Variants in SMG6 observed in about 807,000 individuals in gnomAD.
SMG6 encodes the protein telomerase-binding protein EST1A.
Under a neutral mutation model 142.2 loss-of-function variants are expected in SMG6, and 66 were observed. The observed-to-expected ratio is 0.46, with a 90% CI of 0.38 to 0.57. The LOEUF is 0.57. Among genes scored for constraint, SMG6 ranks in the 20% least tolerant of loss-of-function variants. The probability of loss-of-function intolerance (pLI) is 0.00; values close to 1 mark genes in which losing one functional copy is unlikely to be tolerated. For synonymous variants in SMG6, 779 were observed against 702.4 expected, an observed-to-expected ratio of 1.11 and a Z score of -1.72; for missense variants, 1,793 against 1,832.0, an observed-to-expected ratio of 0.98 and a Z score of 0.39.
intron 10 of SMG6, among the ~76,000 whole-genome samples, chr17:2,220,364 C>T (rs969178149): frequency 6.6e-6 from 1 of 152,198 alleles, no homozygotes; most frequent in Non-Finnish European, 1.5e-5. Flanking sequence ...AGCTCAGCGG[C>T]TCATGCCTGT....
intron 8 of SMG6, among the ~76,000 whole-genome samples, chr17:2,249,417 C>A (rs775785776): frequency 1.2e-4 from 18 of 152,078 alleles, no homozygotes; most frequent in Non-Finnish European, 2.2e-4. Flanking sequence ...CACCTTAGCC[C>A]GCAAAGTGCT....
intron 15 of SMG6, among the ~76,000 whole-genome samples, 169 bp downstream of exon 15, chr17:2,081,641 C>T (rs1019091184): frequency 6.6e-6 from 1 of 152,182 alleles, no homozygotes; most frequent in African/African-American, 2.4e-5. Flanking sequence ...AGGCACCAAA[C>T]CTGCTACCAG....
At chr17:2,182,655 A>C (rs1269182593) in intron 12 of SMG6, among the ~76,000 whole-genome samples, 2 of 152,144 alleles carry the variant, frequency 1.3e-5, no homozygotes, top group Admixed American at 1.3e-4. Context: ...CTGGTCCCCA[A>C]GTCAAACAAG....
chr17:2,235,914 A>G (rs1010017907), intron 10 of SMG6: 1 of 152,184 alleles, frequency 6.6e-6, no homozygotes, highest in African/African-American at 2.4e-5. Context: ...AATGTTCAGA[A>G]AAACATTTTA....
chr17:2,220,404 G>C (rs2073139407), intron 10 of SMG6, among the ~76,000 whole-genome samples: 1 of 152,234 alleles, frequency 6.6e-6, no homozygotes, highest in African/African-American at 2.4e-5. Flanking sequence ...GCCGAGGAAG[G>C]AGGATCACTT....
chr17:2,124,169 G>T, intron 13 of SMG6, among the ~76,000 whole-genome samples: 1 of 152,210 alleles, frequency 6.6e-6, no homozygotes, highest in East Asian at 1.9e-4. Flanking sequence ...TCTGACACCA[G>T]GACACCCAAG....
intron 13 of SMG6, among the ~76,000 whole-genome samples, chr17:2,131,111 A>G (rs1597441207): frequency 6.6e-6 from 1 of 152,226 alleles, no homozygotes; most frequent in South Asian, 2.1e-4. Context: ...TTTTATATAC[A>G]ATAAAACTTT....
intron 13 of SMG6, among the ~76,000 whole-genome samples, chr17:2,121,514 G>A (rs543451515): frequency 1.7e-4 from 26 of 151,606 alleles, no homozygotes; most frequent in Non-Finnish European, 3.7e-4. Context: ...GTGGAGATAA[G>A]GGATTATAAT....
In SMG6 at chr17:2,061,582, C is replaced by A; in HGVS notation, c.4170G>T (p.Thr1390=). The stretch of plus-strand genomic sequence containing the variant: ...CCTTCACACGCAGGTTCCGGTCATC[C>A]GTCAACAGCACCACCTCCCGCAGTA... ...IRLLREVVLL[T]DDRNLRVKAL... The change falls in exon 19 of 19, where the codon ACG becomes ACT. Residue 1390 remains threonine, a synonymous_variant. Transcript: ENST00000263073. 2.5e-6 allele frequency: 4 copies of A among 1,572,626 alleles called. No individual in the cohort carries two copies. The highest frequency in any genetic ancestry group is 1.7e-6 in the Non-Finnish European group (2 of 1,158,686).
intron 8 of SMG6, among the ~76,000 whole-genome samples, chr17:2,269,670 G>C (rs1166808035): frequency 1.3e-5 from 2 of 152,088 alleles, no homozygotes; most frequent in Non-Finnish European, 2.9e-5. Context: ...AAAGAAAACT[G>C]TCCTTCTCAA....
At position 2,091,442 on chromosome 17, in the gene SMG6, C is replaced by G. The variant is rs576391823; in HGVS notation, c.3358-5541G>C. Reference sequence around the variant, plus strand: ...AGTTGGTATGAAATTGAGAAAGAGGCTCATGGGTCAGAGAGGAGGGAAAGA... The same window carrying G: ...AGTTGGTATGAAATTGAGAAAGAGGGTCATGGGTCAGAGAGGAGGGAAAGA... On this transcript the variant is annotated intron_variant, in intron 13 of 18. Transcript: ENST00000263073. Among the ~76,000 whole-genome samples the G allele has an allele frequency of 4.7e-4, 71 of 152,214 alleles. 2 individuals are homozygous for G. In the South Asian group the frequency reaches 0.014, roughly 31 times the overall value.
chr17:2,134,188 T>C (rs1401038290), intron 13 of SMG6, among the ~76,000 whole-genome samples: 4 of 151,940 alleles, frequency 2.6e-5, no homozygotes, highest in Non-Finnish European at 4.4e-5. Context: ...GGGAGGCCGA[T>C]GTGGGTGGAT....
chr17:2,067,146 C>T (rs1201354622), intron 16 of SMG6, among the ~76,000 whole-genome samples: 6 of 152,214 alleles, frequency 3.9e-5, no homozygotes, highest in African/African-American at 1.2e-4. Flanking sequence ...TTCCCAGCAC[C>T]CTTAGGCGTC....
At chr17:2,236,184 G>C (rs1216963591) in intron 10 of SMG6, 1 of 216,320 alleles carries the variant, frequency 4.6e-6, no homozygotes, top group Non-Finnish European at 9.2e-6. Context: ...GAGGCTCTGG[G>C]TCTGCAGCCT....
At chr17:2,156,393 C>CAAAAAAAAAAA (rs34203812) in intron 13 of SMG6, among the ~76,000 whole-genome samples, 6 of 55,408 alleles carry the variant, frequency 1.1e-4, no homozygotes, top group Non-Finnish European at 1.8e-4. Flanking sequence ...CACTCCTTCT[C>CAAAAAAAAAAA]AAAAAAAAAA....
intron 6 of SMG6, among the ~76,000 whole-genome samples, chr17:2,284,092 C>T (rs776575571): frequency 9.2e-5 from 14 of 152,292 alleles, no homozygotes; most frequent in Non-Finnish European, 1.8e-4. Context: ...AGTCAGTATG[C>T]TATAATGAAA....
chr17:2,295,317 T>C (rs562655313), intron 4 of SMG6, among the ~76,000 whole-genome samples: 1 of 152,218 alleles, frequency 6.6e-6, no homozygotes, highest in East Asian at 1.9e-4. Flanking sequence ...CTTTCCAATC[T>C]TAAAACAAAA....
chr17:2,186,949 A>G (rs2151689277), intron 11 of SMG6, 118 bp from the exon 12 acceptor site: 1 of 1,087,512 alleles, frequency 9.2e-7, no homozygotes, highest in South Asian at 1.6e-5. Flanking sequence ...CAGGAAAGAT[A>G]GGCCCAGAAG....
chr17:2,101,474 G>C (rs545825406), intron 13 of SMG6: 1 of 152,290 alleles, frequency 6.6e-6, no homozygotes, highest in South Asian at 2.1e-4. Flanking sequence ...ACTACATCCA[G>C]ATGATGTAGA....
Sources: gnomAD v4.1 joint callset for allele counts (sites outside exome capture counted in the v4.1 genomes callset) on GRCh38, gnomAD v4.1.1 for gene constraint, MANE v1.5 for transcripts, NCBI Gene and HGNC (gene_info 2026-07-23, HGNC 2026-07-21) for gene names.